The following GLI2 variants were observed in gnomAD, a reference collection of about 807,000 sequenced individuals.
The protein encoded by GLI2 is GLI family zinc finger 2.
Under a neutral mutation model 78.9 loss-of-function variants are expected in GLI2, and 22 were observed. The observed-to-expected ratio is 0.28, with a 90% confidence interval of 0.20 to 0.40. The LOEUF is 0.40. GLI2 is among the 10% of genes least tolerant of loss of function. The pLI, the probability that GLI2 is intolerant of heterozygous loss-of-function variation, is 1.00. For missense variants in GLI2, 2,097 were observed against 2,213.2 expected (o/e 0.95, Z 1.05); for synonymous variants, 974 against 963.7 (o/e 1.01, Z -0.20).
At chr2:120,812,271 CAT>C (rs1278148135) in intron 2 of GLI2, among the ~76,000 whole-genome samples, 1 of 152,180 alleles carries the variant, frequency 6.6e-6, no homozygotes, top group Non-Finnish European at 1.5e-5. Context: ...GCCACACACA[CAT>C]GTCGCGGCCC....
At chr2:120,906,525 C>T (rs937883676) in intron 2 of GLI2, among the ~76,000 whole-genome samples, 100 of 152,212 alleles carry the variant, frequency 6.6e-4, no homozygotes, top group Admixed American at 2.0e-4. Flanking sequence ...CTAGCTCCAG[C>T]GCACTCCCTC....
At chr2:120,979,643 T>C (rs990709423) in intron 10 of GLI2, among the ~76,000 whole-genome samples, 7 of 152,198 alleles carry the variant, frequency 4.6e-5, no homozygotes, top group Admixed American at 3.9e-4. Flanking sequence ...AATTTAGTTG[T>C]TTTTAGTACA....
At chr2:120,881,905 A>G (rs1677171476) in intron 2 of GLI2, among the ~76,000 whole-genome samples, 1 of 151,804 alleles carries the variant, frequency 6.6e-6, no homozygotes, top group Middle Eastern at 3.2e-3. Flanking sequence ...AACTTTTGGA[A>G]TAGCAAAGGG....
chr2:120,766,106 C>T (rs533767693), intron 1 of GLI2, among the ~76,000 whole-genome samples: 7 of 152,244 alleles, frequency 4.6e-5, no homozygotes, highest in East Asian at 1.9e-4. Flanking sequence ...GGGGAGGGTT[C>T]GGAGGTTCAC....
Position 120,989,134 on chromosome 2 carries a change from G to T in GLI2, c.3169G>T (p.Ala1057Ser). ...DDVVQYIKAH[A>S]SGALDEGTGQ... ...CGTGGTGCAGTACATCAAGGCGCAC[G>T]CCAGTGGCGCTCTGGACGAGGGCAC... is the stretch of plus-strand genomic sequence containing the variant. Residue 1057 changes from alanine (A) to serine (S), a missense_variant, in exon 14 of 14, where the codon GCC becomes TCC. Transcript: ENST00000361492. 6.2e-7 allele frequency: 1 copy of T among 1,613,012 alleles called. No individual in the cohort carries two copies. The highest frequency in any genetic ancestry group is 8.5e-7 in the Non-Finnish European group (1 of 1,179,966).
intron 2 of GLI2, among the ~76,000 whole-genome samples, chr2:120,802,590 C>T (rs1377959923): frequency 1.3e-5 from 2 of 152,194 alleles, no homozygotes. Flanking sequence ...TTTCCTCCTC[C>T]ACTGTGGGTT....
At chr2:120,988,181 G>A (rs766740382) in intron 13 of GLI2, 27 bp from the exon 14 acceptor site, 6 of 1,572,212 alleles carry the variant, frequency 3.8e-6, no homozygotes, top group Middle Eastern at 4.5e-4. Context: ...CCCTTGTCCC[G>A]GTGCTGACCC....
intron 3 of GLI2, among the ~76,000 whole-genome samples, chr2:120,946,235 C>T (rs1242506478): frequency 6.6e-6 from 1 of 152,272 alleles, no homozygotes; most frequent in African/African-American, 2.4e-5. Flanking sequence ...GCCTACAGGT[C>T]CCTAGGCACA....
intron 5 of GLI2, among the ~76,000 whole-genome samples, chr2:120,961,013 C>A (rs533177615): frequency 6.6e-6 from 1 of 152,294 alleles, no homozygotes; most frequent in Admixed American, 6.5e-5. Flanking sequence ...GCGGAGAATT[C>A]ACTGGTTGTC....
At chr2:120,739,508 G>T (rs958297187) in intron 1 of GLI2, among the ~76,000 whole-genome samples, 2 of 152,200 alleles carry the variant, frequency 1.3e-5, no homozygotes, top group Non-Finnish European at 1.5e-5. Flanking sequence ...CCTTTCATCT[G>T]CATGGCTCTT....
chr2:120,957,386 A>G (rs1573673712), intron 5 of GLI2, among the ~76,000 whole-genome samples: 1 of 152,198 alleles, frequency 6.6e-6, no homozygotes, highest in East Asian at 1.9e-4. Context: ...TCCTCTCAGC[A>G]GCCCTACACG....
chr2:120,751,524 T>C (rs1682873514), intron 1 of GLI2, among the ~76,000 whole-genome samples: 2 of 152,372 alleles, frequency 1.3e-5, no homozygotes, highest in South Asian at 4.1e-4. Context: ...CGCTTATATA[T>C]AAATACTCTG....
chr2:120,780,698 C>T (rs1489905359), intron 1 of GLI2, among the ~76,000 whole-genome samples: 1 of 152,220 alleles, frequency 6.6e-6, no homozygotes, highest in African/African-American at 2.4e-5. Flanking sequence ...TTAAGCCTGC[C>T]ACCCGGGTTC....
intron 1 of GLI2, among the ~76,000 whole-genome samples, chr2:120,782,561 C>T (rs552748565): frequency 5.3e-4 from 81 of 152,318 alleles, no homozygotes; most frequent in African/African-American, 1.8e-3. Flanking sequence ...ATGCAGTATG[C>T]ACCACTGCCT....
chr2:120,882,419 C>A (rs959037968), intron 2 of GLI2, among the ~76,000 whole-genome samples: 10 of 152,382 alleles, frequency 6.6e-5, no homozygotes, highest in African/African-American at 2.4e-4. Flanking sequence ...CTCCTCACTT[C>A]ATGGCCTCAG....
At chr2:120,953,950 A>G (rs1047839206) in intron 4 of GLI2, among the ~76,000 whole-genome samples, 2 of 152,172 alleles carry the variant, frequency 1.3e-5, no homozygotes, top group African/African-American at 4.8e-5. Context: ...CATGAGTTCA[A>G]GATAAACACT....
At chr2:120,786,729 G>A (rs757946044) in intron 1 of GLI2, among the ~76,000 whole-genome samples, 1 of 152,130 alleles carries the variant, frequency 6.6e-6, no homozygotes, top group East Asian at 1.9e-4. Context: ...ATGGCAGACA[G>A]TACAAGTTGA....
At chr2:120,934,071 C>T (rs575551250) in intron 3 of GLI2, among the ~76,000 whole-genome samples, 16 of 152,292 alleles carry the variant, frequency 1.1e-4, no homozygotes, top group Non-Finnish European at 1.9e-4. Context: ...GGGTGAAGCC[C>T]GGAAATCTGC....
chr2:120,926,072 CAAAAAAAAAAAAAA>C (rs35224973), intron 2 of GLI2, among the ~76,000 whole-genome samples: 2 of 63,236 alleles, frequency 3.2e-5, no homozygotes, highest in African/African-American at 8.0e-5. Flanking sequence ...GACTCCGTCT[CAAAAAAAAAAAAAA>C]AAAAAAAAAA....
Sources: allele counts gnomAD v4.1 joint callset (sites outside exome capture counted in the v4.1 genomes callset), GRCh38; gene constraint gnomAD v4.1.1; transcripts MANE v1.5; gene names NCBI Gene and HGNC (gene_info 2026-07-23, HGNC 2026-07-21).